The following SHANK2 variants were observed in gnomAD, a reference collection of about 807,000 sequenced individuals.
The protein encoded by SHANK2 is SH3 and multiple ankyrin repeat domains 2.
In SHANK2, 43 loss-of-function variants were observed where a neutral mutation model predicts 133.7. The observed-to-expected ratio is 0.32, with a 90% confidence interval of 0.25 to 0.41. The LOEUF (loss-of-function observed/expected upper bound fraction) is 0.41, where lower values mean the gene tolerates loss of function less well. Among genes scored for constraint, SHANK2 ranks in the 10% least tolerant of loss-of-function variants. SHANK2 has a pLI of 1.00. For synonymous variants in SHANK2, 1,017 were observed against 952.8 expected, an observed-to-expected ratio of 1.07 and a Z score of -1.24; for missense variants, 1,994 against 2,235.8, an observed-to-expected ratio of 0.89 and a Z score of 2.18.
intron 8 of SHANK2, among the ~76,000 whole-genome samples, chr11:71,091,529 ACCTCCCCTTGCTGTTCCAGAG>A (rs1951519533): frequency 6.6e-6 from 1 of 150,956 alleles, no homozygotes; most frequent in East Asian, 1.9e-4. Context: ...TCTGTCCTTG[ACCTCCCCTTGCTGTTCCAGAG>A]CCTCCTCTTG....
intron 14 of SHANK2, among the ~76,000 whole-genome samples, chr11:70,725,343 G>A (rs567433945): frequency 4.9e-4 from 75 of 152,256 alleles, no homozygotes; most frequent in Admixed American, 1.9e-3. Context: ...CAACATTTGC[G>A]GACTCTTAAA....
intron 14 of SHANK2, among the ~76,000 whole-genome samples, chr11:70,749,144 T>G (rs1263077142): frequency 1.3e-5 from 2 of 152,190 alleles, no homozygotes; most frequent in Admixed American, 1.3e-4. Flanking sequence ...AAAACCCCAG[T>G]ACAGCTGACA....
rs187783680 is a variant in SHANK2 at position 70,873,495 on chromosome 11, G to A, written c.1174+23006C>T. The stretch of plus-strand genomic sequence containing the variant: ...GGAGGGGCTGCCCAGAGGTGAGGCA[G>A]TTGGGATCCCTAACCTTCTAGCAGT... On this transcript the variant is annotated intron_variant, in intron 11 of 25. Transcript: ENST00000601538. 4.5e-4 allele frequency among the ~76,000 whole-genome samples: 68 copies of A among 152,344 alleles called. No individual in the cohort carries two copies. The East Asian group carries it at 0.013, about 29-fold the overall frequency.
intron 17 of SHANK2, among the ~76,000 whole-genome samples, chr11:70,628,494 C>G (rs939539923): frequency 6.6e-6 from 1 of 152,328 alleles, no homozygotes; most frequent in Middle Eastern, 3.4e-3. Flanking sequence ...ATATCAAGAG[C>G]TCTTTTCCCC....
In SHANK2 at chr11:70,661,954, C is replaced by A. The variant is rs940208876; in HGVS notation, c.1854-276G>T. ...GAGGAAGGAGTCATACATGGTGGGG[C>A]GGCTGCCTGAGGGATGGCTGAGCTG... is the stretch of plus-strand genomic sequence containing the variant. On this transcript the variant is annotated intron_variant, in intron 15 of 25. Coordinates refer to ENST00000601538, the MANE Select transcript of SHANK2 (RefSeq NM_012309.5). 2.8e-5 allele frequency: 21 copies of A among 748,530 alleles called. No homozygotes were observed. In the African/African-American group the frequency reaches 3.5e-4, roughly 12 times the overall value. 46.4% of individuals were successfully genotyped at this position (748,530 alleles called of 1,614,324 possible). A position where few individuals can be genotyped will look rare whatever the true frequency, so the allele number is the denominator to read the frequency against.
chr11:70,818,233 C>T (rs782094730), intron 12 of SHANK2, among the ~76,000 whole-genome samples: 3 of 152,216 alleles, frequency 2.0e-5, no homozygotes, highest in South Asian at 4.1e-4. Flanking sequence ...CATGTCTACA[C>T]ACCAGCATGC....
chr11:70,502,361 C>T (rs2059067168), intron 18 of SHANK2, 75 bp from the exon 19 acceptor site: 9 of 1,410,318 alleles, frequency 6.4e-6, no homozygotes, highest in African/African-American at 1.4e-5. Context: ...TAGCAGTGGC[C>T]CTGTGGCTGG....
At chr11:70,515,941 A>G (rs2059261361) in intron 17 of SHANK2, among the ~76,000 whole-genome samples, 1 of 151,976 alleles carries the variant, frequency 6.6e-6, no homozygotes, top group Non-Finnish European at 1.5e-5. Context: ...TTAATAATAC[A>G]TTTCTTAATC....
At chr11:71,220,055 C>G (rs113913720) in intron 2 of SHANK2, among the ~76,000 whole-genome samples, 2 of 151,980 alleles carry the variant, frequency 1.3e-5, no homozygotes, top group South Asian at 2.1e-4. Flanking sequence ...GAGACCCCCC[C>G]ACCCATCTCT....
At chr11:71,072,868 G>A (rs944908567) in intron 9 of SHANK2, among the ~76,000 whole-genome samples, 3 of 152,078 alleles carry the variant, frequency 2.0e-5, no homozygotes, top group Non-Finnish European at 4.4e-5. Context: ...GACACAGAAA[G>A]TGAACAGGGG....
intron 10 of SHANK2, among the ~76,000 whole-genome samples, chr11:70,906,005 G>A (rs995207417): frequency 8.6e-5 from 13 of 151,988 alleles, no homozygotes; most frequent in African/African-American, 2.9e-4. Flanking sequence ...TAGAGACAGG[G>A]TTTCACCATG....
intron 10 of SHANK2, chr11:70,952,767 G>C: frequency 2.9e-6 from 1 of 348,086 alleles, no homozygotes. Flanking sequence ...GGCCTGAGCA[G>C]CAGAAGTGTG....
At position 71,146,210 on chromosome 11, in the gene SHANK2, A is replaced by T. The variant is rs1311009072; in HGVS notation, c.207+910T>A. Among the ~76,000 whole-genome samples the T allele has an allele frequency of 2.0e-5, 3 of 152,324 alleles. No individual in the cohort carries two copies. In the East Asian group the frequency reaches 5.8e-4, roughly 29 times the overall value. On this transcript the variant is annotated intron_variant, in intron 3 of 25. Coordinates refer to ENST00000601538, the MANE Select transcript of SHANK2 (RefSeq NM_012309.5). ...TGTCCCACATCTCCGATTTGAGGCC[A>T]CATGTGGCACAGTCCCCGCCGTGAG...
At chr11:70,755,692 G>A (rs925846078) in intron 14 of SHANK2, among the ~76,000 whole-genome samples, 3 of 152,196 alleles carry the variant, frequency 2.0e-5, no homozygotes, top group African/African-American at 2.4e-5. Flanking sequence ...CGCACCCCGC[G>A]GCTGCCATCT....
intron 17 of SHANK2, among the ~76,000 whole-genome samples, chr11:70,657,096 A>C (rs1325826640): frequency 1.3e-5 from 2 of 152,224 alleles, no homozygotes; most frequent in African/African-American, 4.8e-5. Context: ...CGCAGCATGC[A>C]TTTTTAAAGA....
intron 10 of SHANK2, chr11:70,943,165 T>C (rs1950671520): frequency 2.2e-6 from 1 of 446,946 alleles, no homozygotes; most frequent in Middle Eastern, 4.6e-4. Context: ...AGACATCACA[T>C]CATTGAGAAG....
At chr11:70,674,400 C>T (rs1173691171) in intron 15 of SHANK2, among the ~76,000 whole-genome samples, 1 of 151,722 alleles carries the variant, frequency 6.6e-6, no homozygotes, top group Non-Finnish European at 1.5e-5. Flanking sequence ...TTTTTACTTG[C>T]CAGCTTGGCA....
At chr11:70,668,622 C>T (rs1944727709) in intron 15 of SHANK2, 1 of 152,340 alleles carries the variant, frequency 6.6e-6, no homozygotes, top group African/African-American at 2.4e-5. Context: ...AACATCAATC[C>T]ACAGTCACAG....
intron 6 of SHANK2, among the ~76,000 whole-genome samples, chr11:71,108,219 G>A (rs1001487671): frequency 2.6e-4 from 40 of 152,338 alleles, no homozygotes; most frequent in African/African-American, 9.6e-4. Context: ...AGCTGGCACA[G>A]GGGCCATCAC....
Sources: allele counts gnomAD v4.1 joint callset (sites outside exome capture counted in the v4.1 genomes callset), GRCh38; gene constraint gnomAD v4.1.1; transcripts MANE v1.5; gene names NCBI Gene and HGNC (gene_info 2026-07-23, HGNC 2026-07-21).